Variants in N4BP2L2 observed in about 807,000 individuals in gnomAD.
N4BP2L2 encodes the protein NEDD4 binding protein 2 like 2, also known as NEDD4-binding protein 2-like 2.
A neutral mutation model predicts 56.2 loss-of-function variants in N4BP2L2; 50 were observed. The observed-to-expected ratio is 0.89, with a 90% CI of 0.71 to 1.13. The LOEUF (loss-of-function observed/expected upper bound fraction) is 1.13. Among genes scored for constraint, N4BP2L2 ranks in the 50% most tolerant of loss-of-function variants. The pLI, the probability that N4BP2L2 is intolerant of heterozygous loss-of-function variation, is 0.00. For missense variants in N4BP2L2, 689 were observed against 693.8 expected (o/e 0.99, Z 0.08); for synonymous variants, 203 against 223.6 (o/e 0.91, Z 0.82).
At chr13:32,461,014 T>C (rs982946852) in intron 6 of N4BP2L2, among the ~76,000 whole-genome samples, 1 of 152,112 alleles carries the variant, frequency 6.6e-6, no homozygotes, top group African/African-American at 2.4e-5. Context: ...CATTAGGGAA[T>C]GGACACCTTC....
chr13:32,530,805 A>G (rs1276806742), intron 2 of N4BP2L2, among the ~76,000 whole-genome samples: 2 of 151,112 alleles, frequency 1.3e-5, no homozygotes, highest in African/African-American at 4.9e-5. Context: ...GCATCCTCTT[A>G]TCCTGCAGTA....
chr13:32,483,428 C>T (rs894027359), intron 6 of N4BP2L2, among the ~76,000 whole-genome samples: 1 of 152,154 alleles, frequency 6.6e-6, no homozygotes, highest in African/African-American at 2.4e-5. Flanking sequence ...CTCATTAAAG[C>T]TATTAAGGTA....
chr13:32,444,218 A>G, intron 6 of N4BP2L2: 1 of 999,560 alleles, frequency 1.0e-6, no homozygotes, highest in Non-Finnish European at 1.4e-6. Flanking sequence ...TGCAGGTTTA[A>G]AAACCTTTAG....
intron 2 of N4BP2L2, among the ~76,000 whole-genome samples, chr13:32,534,196 C>T (rs922326543): frequency 1.3e-5 from 2 of 152,132 alleles, no homozygotes; most frequent in African/African-American, 4.8e-5. Flanking sequence ...GTTGGTACTA[C>T]ATACAACTTT....
chr13:32,433,931 C>CAA (rs60540916), intron 9 of N4BP2L2, among the ~76,000 whole-genome samples: 1 of 86,120 alleles, frequency 1.2e-5, no homozygotes, highest in Non-Finnish European at 2.2e-5. Flanking sequence ...GACCGTGTCT[C>CAA]AAAAAAAAAA....
At chr13:32,484,389 G>T (rs2085423120) in intron 6 of N4BP2L2, among the ~76,000 whole-genome samples, 1 of 152,120 alleles carries the variant, frequency 6.6e-6, no homozygotes, top group Admixed American at 6.5e-5. Context: ...GCTATTAGTT[G>T]CATTTAACTG....
intron 2 of N4BP2L2, among the ~76,000 whole-genome samples, chr13:32,529,972 C>A (rs1594093830): frequency 6.6e-6 from 1 of 152,130 alleles, no homozygotes; most frequent in African/African-American, 2.4e-5. Context: ...GTGATCCTCC[C>A]ACCTCAGCCT....
intron 6 of N4BP2L2, among the ~76,000 whole-genome samples, chr13:32,491,735 G>A (rs2087153954): frequency 6.6e-6 from 1 of 150,716 alleles, no homozygotes; most frequent in African/African-American, 2.4e-5. Flanking sequence ...GGGTTCAAGC[G>A]ATTCCCCTGC....
In N4BP2L2 at chr13:32,438,552, T is replaced by G. The variant is rs2075786163; in HGVS notation, c.2190+100A>C. 4 of 881,260 alleles carry G rather than the reference T, an allele frequency of 4.5e-6. No homozygotes were observed. The South Asian group carries it at 6.9e-5, about 15-fold the overall frequency. The allele number at this position is 881,260 out of a possible 1,614,324, so 54.6% of individuals were successfully genotyped here. A position where few individuals can be genotyped will look rare whatever the true frequency, so the allele number is the denominator to read the frequency against. On this transcript the variant is annotated intron_variant, in intron 8 of 9. Coordinates refer to the N4BP2L2 transcript ENST00000357505. ...AGGTGGAGGTTGTGGTGAGCCAAGA[T>G]CACGCCATTGCACTCCAGCCTGGGC...
At chr13:32,438,623 C>A in intron 8 of N4BP2L2, 1 of 1,486,488 alleles carries the variant, frequency 6.7e-7, no homozygotes, top group Admixed American at 1.9e-5. Flanking sequence ...AACAAAAATA[C>A]ATACACACAC....
chr13:32,442,863 A>T, exon 7 of N4BP2L2: 1 of 1,613,552 alleles, frequency 6.2e-7, no homozygotes, highest in Non-Finnish European at 8.5e-7. Flanking sequence ...TATCAAGGTA[A>T]AACCACAATG....
At chr13:32,505,253 T>C (rs114193476) in intron 6 of N4BP2L2, 73 of 152,374 alleles carry the variant, frequency 4.8e-4, no homozygotes, top group African/African-American at 1.7e-3. Context: ...CTTCCTTCAT[T>C]TTTATCCCTC....
At chr13:32,526,746 C>A (rs1350742188) in intron 3 of N4BP2L2, 1 of 142,036 alleles carries the variant, frequency 7.0e-6, no homozygotes, top group African/African-American at 2.6e-5. Context: ...CAAAAAGTAT[C>A]AATGTTTAGG....
intron 6 of N4BP2L2, among the ~76,000 whole-genome samples, chr13:32,446,206 T>C (rs1746389642): frequency 1.3e-5 from 2 of 152,238 alleles, no homozygotes; most frequent in East Asian, 1.9e-4. Context: ...TAATTGCTGC[T>C]GCCCTTGTTT....
chr13:32,475,093 C>A (rs2083047657), intron 6 of N4BP2L2, among the ~76,000 whole-genome samples: 2 of 152,176 alleles, frequency 1.3e-5, no homozygotes, highest in East Asian at 3.8e-4. Flanking sequence ...CATTTCAAAG[C>A]ATTCTCATAT....
chr13:32,434,729 C>A (rs1319778384), intron 9 of N4BP2L2, among the ~76,000 whole-genome samples: 5 of 152,108 alleles, frequency 3.3e-5, no homozygotes, highest in Admixed American at 3.3e-4. Context: ...ACAGACTGGT[C>A]AGTACTTAAT....
chr13:32,451,683 C>G (rs2078042356), intron 6 of N4BP2L2, among the ~76,000 whole-genome samples: 1 of 151,636 alleles, frequency 6.6e-6, no homozygotes, highest in Admixed American at 6.6e-5. Flanking sequence ...GCTGGGACCA[C>G]AGGTATGTGC....
At chr13:32,502,118 C>T (rs1002056094) in intron 6 of N4BP2L2, among the ~76,000 whole-genome samples, 4 of 144,604 alleles carry the variant, frequency 2.8e-5, no homozygotes, top group African/African-American at 1.0e-4. Flanking sequence ...GGCTGGAATA[C>T]AGTGGCACGA....
intron 6 of N4BP2L2, among the ~76,000 whole-genome samples, chr13:32,472,340 C>T (rs1304800593): frequency 6.6e-6 from 1 of 152,240 alleles, no homozygotes; most frequent in Non-Finnish European, 1.5e-5. Context: ...GAAGATTCCA[C>T]TTTCTGGTTC....
Sources: gnomAD v4.1 joint callset for allele counts (sites outside exome capture counted in the v4.1 genomes callset) on GRCh38, gnomAD v4.1.1 for gene constraint, MANE v1.5 for transcripts, NCBI Gene and HGNC (gene_info 2026-07-23, HGNC 2026-07-21) for gene names.